The following MCL1 variants were observed in gnomAD, a reference collection of about 807,000 sequenced individuals.
MCL1 encodes the protein induced myeloid leukemia cell differentiation protein Mcl-1.
MCL1 carries 4 observed loss-of-function variants against 24.2 expected under a neutral mutation model. The observed-to-expected ratio is 0.17, with a 90% CI of 0.08 to 0.38. The LOEUF is 0.38. Among genes scored for constraint, MCL1 ranks in the 10% least tolerant of loss-of-function variants. The pLI, the probability that MCL1 is intolerant of heterozygous loss-of-function variation, is 1.00. For missense variants in MCL1, 529 were observed against 480.3 expected (o/e 1.10, Z -0.95); for synonymous variants, 248 against 214.0 (o/e 1.16, Z -1.39).
intron 2 of MCL1, 87 bp from the exon 3 acceptor site, chr1:150,577,578 A>G: frequency 5.1e-6 from 7 of 1,379,694 alleles, no homozygotes; most frequent in South Asian, 2.9e-5. Flanking sequence ...GTAAATTAAA[A>G]TATCTAAGGT....
Position 150,579,246 on chromosome 1 carries a change from C to A in MCL1, c.285G>T (p.Arg95Ser). The A allele has an allele frequency of 6.5e-7, 1 of 1,530,260 alleles. No individual in the cohort carries two copies. The highest frequency in any genetic ancestry group is 8.7e-7 in the Non-Finnish European group (1 of 1,144,884). The allele number at this position is 1,530,260 out of a possible 1,614,324, so 94.8% of individuals were successfully genotyped here. A position where few individuals can be genotyped will look rare whatever the true frequency, so the allele number is the denominator to read the frequency against. Residue 95 changes from arginine (R) to serine (S), a missense_variant, in exon 1 of 3, where the codon AGG becomes AGT. By Grantham distance (110) the Arg-to-Ser change is moderately radical. Coordinates refer to ENST00000369026, the MANE Select transcript of MCL1 (RefSeq NM_021960.5). ...GGCGGGTGGGCGCGAAGAAAAGCAG[C>A]CTCGCGGGGGTCGCGGTGACGTCGG... ...EVPDVTATPA[R>S]LLFFAPTRRA... is the part of the protein sequence containing the mutation.
intron 2 of MCL1, 78 bp downstream of exon 2, chr1:150,578,166 G>C (rs1035031712): frequency 1.5e-5 from 23 of 1,505,992 alleles, no homozygotes; most frequent in Non-Finnish European, 2.1e-5. Context: ...AAAACCTTTA[G>C]ATATCCCCAC....
intron 2 of MCL1, 71 bp from the exon 3 acceptor site, chr1:150,577,562 G>A (rs1159840897): frequency 9.1e-6 from 13 of 1,428,142 alleles, no homozygotes; most frequent in African/African-American, 1.4e-5. Flanking sequence ...ACTATCCAGA[G>A]AGAAGGTAAA....
intron 2 of MCL1, among the ~76,000 whole-genome samples, chr1:150,577,719 A>G (rs1357377545): frequency 6.6e-6 from 1 of 152,208 alleles, no homozygotes; most frequent in Non-Finnish European, 1.5e-5. Flanking sequence ...TGGTCTTATT[A>G]GGATTTATCC....
At position 150,579,449 on chromosome 1, in the gene MCL1, C is replaced by G. The variant is rs768684341; in HGVS notation, c.82G>C (p.Ala28Pro). Reference protein sequence around the residue: ...GAGLGAGSGGATRPGGRLLAT... With the variant: ...GAGLGAGSGGPTRPGGRLLAT... Reference sequence around the variant, plus strand: ...AAAAGTCGCCCTCCCGGGCGGGTGGCGCCGCCGCTGCCGGCCCCCAAGCCG... The same window carrying G: ...AAAAGTCGCCCTCCCGGGCGGGTGGGGCCGCCGCTGCCGGCCCCCAAGCCG... The change falls in exon 1 of 3, where the codon GCC becomes CCC. Residue 28 changes from alanine to proline, a missense_variant. Ala to Pro is a conservative substitution (Grantham distance 27). Transcript: ENST00000369026. The G allele has an allele frequency of 9.4e-6, 15 of 1,590,608 alleles. No individual in the cohort carries two copies. The South Asian group carries it at 1.7e-4, about 18-fold the overall frequency.
In MCL1 at chr1:150,575,840, GAACA is replaced by G. The variant is rs1375571238; in HGVS notation, c.*1531_*1534del. The G allele has an allele frequency of 4.3e-6, 1 of 233,258 alleles. No homozygotes were observed. Among genetic ancestry groups the G allele is most frequent in the Non-Finnish European group, 8.5e-6 (1 of 118,026 alleles). 14.4% of individuals were successfully genotyped at this position (233,258 alleles called of 1,614,324 possible). On this transcript the variant is annotated 3_prime_UTR_variant, in exon 3 of 3. Coordinates refer to ENST00000369026, the MANE Select transcript of MCL1 (RefSeq NM_021960.5). ...GATATAAATATCTGTAGAGGGAGCAGAACAATCAGCAATTTCAAGGAAGGACAGG... is the reference window on the plus strand; with the variant it reads ...GATATAAATATCTGTAGAGGGAGCAGATCAGCAATTTCAAGGAAGGACAGG...
At position 150,579,021 on chromosome 1, in the gene MCL1, C is replaced by T. The variant is rs143371838; in HGVS notation, c.510G>A (p.Glu170=). 2.7e-5 allele frequency: 44 copies of T among 1,613,520 alleles called. No homozygotes were observed. Among genetic ancestry groups the T allele is most frequent in the Admixed American group, 1.8e-4 (11 of 60,004 alleles). Residue 170 remains glutamate (E), a synonymous_variant, in exon 1 of 3, where the codon GAG becomes GAA. Coordinates refer to ENST00000369026, the MANE Select transcript of MCL1 (RefSeq NM_021960.5). ...GCGACTGCCGGTACAACTCGTCCTC[C>T]TCCTCCTCTGCTGGCGGCGGCGTCG... ...LPSTPPPAEE[E]EDELYRQSLE... is the part of the protein sequence containing the mutation.
In MCL1 at chr1:150,579,407, C is replaced by G. The variant is rs373644818; in HGVS notation, c.124G>C (p.Ala42Pro). The stretch of plus-strand genomic sequence containing the variant: ...CCCCCTATCTCTCGCCGGGCCGAGG[C>G]CTCCTTCTCCGTAGCCAAAAGTCGC... Reference protein sequence around the residue: ...GGRLLATEKEASARREIGGGE... With the variant: ...GGRLLATEKEPSARREIGGGE... Residue 42 changes from alanine to proline, a missense_variant, in exon 1 of 3, where the codon GCC becomes CCC. Coordinates refer to ENST00000369026, the MANE Select transcript of MCL1 (RefSeq NM_021960.5). 1.5e-5 allele frequency: 24 copies of G among 1,571,474 alleles called. No homozygotes were observed. Among genetic ancestry groups the G allele is most frequent in the Middle Eastern group, 1.7e-4 (1 of 5,942 alleles).
Position 150,575,344 on chromosome 1 carries a change from G to A in MCL1, c.*2031C>T, listed in dbSNP as rs1481002751. The A allele has an allele frequency of 1.3e-4, 31 of 233,208 alleles. No homozygotes were observed. Among genetic ancestry groups the A allele is most frequent in the Non-Finnish European group, 2.5e-5 (3 of 117,884 alleles). 14.4% of individuals were successfully genotyped at this position (233,208 alleles called of 1,614,324 possible). On this transcript the variant is annotated 3_prime_UTR_variant, in exon 3 of 3. Coordinates refer to ENST00000369026, the MANE Select transcript of MCL1 (RefSeq NM_021960.5). Reference sequence around the variant, plus strand: ...ATGGAGTCCACAGACTAAAGGTCATGTTCCGAGACTGAAGCTTTCAAATGA... The same window carrying A: ...ATGGAGTCCACAGACTAAAGGTCATATTCCGAGACTGAAGCTTTCAAATGA...
rs1367899095 is a variant in MCL1 at position 150,576,620 on chromosome 1, A to G, written c.*755T>C. On this transcript the variant is annotated 3_prime_UTR_variant, in exon 3 of 3. Coordinates refer to ENST00000369026, the MANE Select transcript of MCL1 (RefSeq NM_021960.5). ...CAAAGTTCAAAAGGGTATGAAAAAAACTAATGTAAATTCGATACTTCCTTC... is the reference window on the plus strand; with the variant it reads ...CAAAGTTCAAAAGGGTATGAAAAAAGCTAATGTAAATTCGATACTTCCTTC... 1 of 232,274 alleles carries G rather than the reference A, an allele frequency of 4.3e-6. No homozygotes were observed. The highest frequency in any genetic ancestry group is 1.3e-3 in the Middle Eastern group (1 of 796). The allele number at this position is 232,274 out of a possible 1,614,324, so 14.4% of individuals were successfully genotyped here. A position where few individuals can be genotyped will look rare whatever the true frequency, so the allele number is the denominator to read the frequency against.
At chr1:150,578,741 C>T (rs918095234) in intron 1 of MCL1, 102 bp downstream of exon 1, 1 of 1,289,090 alleles carries the variant, frequency 7.8e-7, no homozygotes, top group African/African-American at 1.5e-5. Flanking sequence ...AGACACGTTT[C>T]AACACTGACT....
Position 150,578,826 on chromosome 1 carries a change from T to C in MCL1, c.688+17A>G, listed in dbSNP as rs1647933737. 2 of 1,598,518 alleles carry C rather than the reference T, an allele frequency of 1.3e-6. No individual in the cohort carries two copies. Among genetic ancestry groups the C allele is most frequent in the Non-Finnish European group, 1.7e-6 (2 of 1,170,062 alleles). ...AAAAAAGGGAGTGAGGCCTTGGCGA[T>C]TAATGAACCCCCTTACCTTGGAAGG... On this transcript the variant is annotated intron_variant, in intron 1 of 2. Transcript: ENST00000369026.
rs1647955216 is a variant in MCL1, at chr1:150,579,066, A to T, written c.465T>A (p.Ser155Arg). 6.2e-7 allele frequency: 1 copy of T among 1,613,098 alleles called. No individual in the cohort carries two copies. Among genetic ancestry groups the T allele is most frequent in the Non-Finnish European group, 8.5e-7 (1 of 1,180,002 alleles). Reference sequence around the variant, plus strand: ...GCGTCGAGGGTAGTGACCCGTCCGTACTGGTGTTATTACCAGATTCCCCGA... The same window carrying T: ...GCGTCGAGGGTAGTGACCCGTCCGTTCTGGTGTTATTACCAGATTCCCCGA... ...ELVGESGNNT[S>R]TDGSLPSTPP... The change falls in exon 1 of 3, where the codon AGT (serine) becomes AGA (arginine). Residue 155 changes from serine (S) to arginine (R), a missense_variant. Transcript: ENST00000369026.
rs755955929 is a variant in MCL1 at position 150,577,426 on chromosome 1, A to G, written c.1002T>C (p.Ala334=). 4.3e-6 allele frequency: 7 copies of G among 1,613,932 alleles called. No individual in the cohort carries two copies. Among genetic ancestry groups the G allele is most frequent in the Non-Finnish European group, 5.9e-6 (7 of 1,180,006 alleles). ...LEGGIRNVLL[A]FAGVAGVGAG... is the part of the protein sequence containing the mutation. ...CTCCTACTCCAGCAACACCTGCAAA[A>G]GCCAGCAGCACATTCCTGATGCCAC... is the stretch of plus-strand genomic sequence containing the variant. Residue 334 remains alanine (A), a synonymous_variant, in exon 3 of 3, where the codon GCT becomes GCC. Coordinates refer to ENST00000369026, the MANE Select transcript of MCL1 (RefSeq NM_021960.5).
rs1570978639 is a variant in MCL1, at chr1:150,575,245, T to C, written c.*2130A>G. 2 of 233,438 alleles carry C rather than the reference T, an allele frequency of 8.6e-6. No individual in the cohort carries two copies. The highest frequency in any genetic ancestry group is 1.2e-4 in the East Asian group (2 of 16,526). 14.5% of individuals were successfully genotyped at this position (233,438 alleles called of 1,614,324 possible). On this transcript the variant is annotated 3_prime_UTR_variant, in exon 3 of 3. Coordinates refer to ENST00000369026, the MANE Select transcript of MCL1 (RefSeq NM_021960.5). Reference sequence around the variant, plus strand: ...AATAGCTCTAGCAAAGATGACCTTATGGCTCTGAGATGGGCAGGCAGGGCA... The same window carrying C: ...AATAGCTCTAGCAAAGATGACCTTACGGCTCTGAGATGGGCAGGCAGGGCA...
rs1647749900 is a variant in MCL1, at chr1:150,575,340, T to G, written c.*2035A>C. 4.3e-6 allele frequency: 1 copy of G among 233,230 alleles called. No homozygotes were observed. The highest frequency in any genetic ancestry group is 5.6e-5 in the Admixed American group (1 of 17,764). The allele number at this position is 233,230 out of a possible 1,614,324, so 14.4% of individuals were successfully genotyped here. On this transcript the variant is annotated 3_prime_UTR_variant, in exon 3 of 3. Coordinates refer to ENST00000369026, the MANE Select transcript of MCL1 (RefSeq NM_021960.5). ...TTAAATGGAGTCCACAGACTAAAGG[T>G]CATGTTCCGAGACTGAAGCTTTCAA...
chr1:150,578,071 A>G (rs1474896452), intron 2 of MCL1, among the ~76,000 whole-genome samples, 173 bp downstream of exon 2: 1 of 152,194 alleles, frequency 6.6e-6, no homozygotes, highest in Non-Finnish European at 1.5e-5. Context: ...CCGCCATACC[A>G]CTATCTCTAA....
Position 150,577,362 on chromosome 1 carries a change from A to G in MCL1, c.*13T>C. The G allele has an allele frequency of 1.2e-6, 2 of 1,611,242 alleles. No individual in the cohort carries two copies. Among genetic ancestry groups the G allele is most frequent in the Non-Finnish European group, 1.7e-6 (2 of 1,179,068 alleles). On this transcript the variant is annotated 3_prime_UTR_variant, in exon 3 of 3. Transcript: ENST00000369026. Reference sequence around the variant, plus strand: ...TGGTTGGTTAAAAGTCAACTATTGCACTTACAGTAAGGCTATCTTATTAGA... The same window carrying G: ...TGGTTGGTTAAAAGTCAACTATTGCGCTTACAGTAAGGCTATCTTATTAGA...
In MCL1 at chr1:150,579,063, C is replaced by T. The variant is rs138713477; in HGVS notation, c.468G>A (p.Thr156=). 1 of 1,613,158 alleles carries T rather than the reference C, an allele frequency of 6.2e-7. No homozygotes were observed. Among genetic ancestry groups the T allele is most frequent in the Non-Finnish European group, 8.5e-7 (1 of 1,180,040 alleles). The stretch of plus-strand genomic sequence containing the variant: ...GCGGCGTCGAGGGTAGTGACCCGTC[C>T]GTACTGGTGTTATTACCAGATTCCC... ...LVGESGNNTS[T]DGSLPSTPPP... The change falls in exon 1 of 3, where the codon ACG becomes ACA. Residue 156 remains threonine, a synonymous_variant. Transcript: ENST00000369026.
Sources: gnomAD v4.1 joint callset for allele counts (sites outside exome capture counted in the v4.1 genomes callset) on GRCh38, gnomAD v4.1.1 for gene constraint, MANE v1.5 for transcripts, NCBI Gene and HGNC (gene_info 2026-07-23, HGNC 2026-07-21) for gene names.